Variants in CFAP74 observed in about 807,000 individuals in gnomAD.
CFAP74 encodes cilia- and flagella-associated protein 74.
CFAP74 carries 124 observed loss-of-function variants against 188.9 expected under a neutral mutation model. The ratio of observed to expected loss-of-function variants is 0.66; its 90% CI spans 0.57 to 0.76. The LOEUF (loss-of-function observed/expected upper bound fraction) is 0.76, where lower values mean the gene tolerates loss of function less well. CFAP74 is among the 30% of genes least tolerant of loss of function. The pLI, the probability that CFAP74 is intolerant of heterozygous loss-of-function variation, is 0.00. For missense variants in CFAP74, 2,198 were observed against 2,165.2 expected, an observed-to-expected ratio of 1.02 and a Z score of -0.30; for synonymous variants, 956 against 916.7, an observed-to-expected ratio of 1.04 and a Z score of -0.77.
rs531272665 is a variant in CFAP74 at position 1,927,809 on chromosome 1, G to A, written c.3388-63C>T. 1.0e-4 allele frequency: 151 copies of A among 1,501,882 alleles called. 1 individual carries two copies. The highest frequency in any genetic ancestry group is 6.9e-4 in the Middle Eastern group (4 of 5,768). The allele number at this position is 1,501,882 out of a possible 1,614,324, so 93.0% of individuals were successfully genotyped here. A position where few individuals can be genotyped will look rare whatever the true frequency, so the allele number is the denominator to read the frequency against. On this transcript the variant is annotated intron_variant, in intron 27 of 38. Coordinates refer to ENST00000682832, the MANE Select transcript of CFAP74 (RefSeq NM_001304360.2). ...CCCTAAACACAGCCAGCTGTGCCCC[G>A]TGGCTCCTCTGCGGCCAGTGCGGGA...
At chr1:1,965,427 T>A (rs1466454876) in intron 12 of CFAP74, among the ~76,000 whole-genome samples, 2 of 152,250 alleles carry the variant, frequency 1.3e-5, no homozygotes, top group African/African-American at 4.8e-5. Context: ...TGAAAGGTTC[T>A]GCAGGAAGCA....
chr1:1,979,349 A>G (rs1278518078), intron 6 of CFAP74, among the ~76,000 whole-genome samples: 3 of 133,068 alleles, frequency 2.3e-5, no homozygotes, highest in African/African-American at 2.8e-5. Flanking sequence ...ACAAGGCTGC[A>G]CAGAACATGC....
chr1:1,939,044 G>A (rs535602234), intron 24 of CFAP74, 56 bp from the exon 25 acceptor site: 39 of 1,504,396 alleles, frequency 2.6e-5, no homozygotes, highest in African/African-American at 4.1e-5. Context: ...GTGGACACAC[G>A]TGCGGCAGGG....
At chr1:1,926,050 G>C in intron 32 of CFAP74, 112 bp from the exon 33 acceptor site, 8 of 1,402,844 alleles carry the variant, frequency 5.7e-6, no homozygotes, top group Non-Finnish European at 7.6e-6. Context: ...GCTCTGGGGG[G>C]GCTCTGTCAG....
At position 1,988,943 on chromosome 1, in the gene CFAP74, T is replaced by C. The variant is rs1657415472; in HGVS notation, c.98A>G (p.Asp33Gly). 1.3e-6 allele frequency: 2 copies of C among 1,579,462 alleles called. No individual in the cohort carries two copies. Among genetic ancestry groups the C allele is most frequent in the Non-Finnish European group, 1.7e-6 (2 of 1,160,206 alleles). ...AGCTTCCTGTAGAAGACATTTGATG[T>C]CAAACTCCGGATCCTCTAATTCATC... ...ERDELEDPEFDIKCLLQEAED... is the reference protein window; with the variant it reads ...ERDELEDPEFGIKCLLQEAED... Residue 33 changes from aspartate to glycine, a missense_variant, in exon 3 of 39, where the codon GAC becomes GGC. Physicochemically the swap from Asp to Gly is moderately conservative, Grantham distance 94. Coordinates refer to ENST00000682832, the MANE Select transcript of CFAP74 (RefSeq NM_001304360.2).
intron 1 of CFAP74, among the ~76,000 whole-genome samples, chr1:1,995,016 G>T (rs1657841367): frequency 6.6e-6 from 1 of 152,114 alleles, no homozygotes; most frequent in Admixed American, 6.6e-5. Flanking sequence ...GCTGTGAAAG[G>T]TTCAGGACTG....
At chr1:1,981,682 C>T (rs1244504396) in intron 6 of CFAP74, among the ~76,000 whole-genome samples, 3 of 124,798 alleles carry the variant, frequency 2.4e-5, no homozygotes, top group Admixed American at 8.1e-5. Flanking sequence ...GACACCCAGC[C>T]GCGGACAGAC....
chr1:1,928,946 G>A lies in CFAP74; in HGVS notation c.3289-64C>T, dbSNP rs146633005. On this transcript the variant is annotated intron_variant, in intron 26 of 38. Coordinates refer to ENST00000682832, the MANE Select transcript of CFAP74 (RefSeq NM_001304360.2). ...CCCTCCACCTCCCCGGAGCCCCTGC[G>A]GGCACTCTACCGTCCTCTGCCCGTG... 335 of 1,168,924 alleles carry A rather than the reference G, an allele frequency of 2.9e-4. 1 individual carries two copies. In the African/African-American group the frequency reaches 4.5e-3, roughly 16 times the overall value. The allele number at this position is 1,168,924 out of a possible 1,614,324, so 72.4% of individuals were successfully genotyped here.
At position 1,985,788 on chromosome 1, in the gene CFAP74, C is replaced by T. The variant is rs888875792; in HGVS notation, c.396-298G>A. Among the ~76,000 whole-genome samples, 13 of 152,348 alleles carry T rather than the reference C, an allele frequency of 8.5e-5. No individual in the cohort carries two copies. In the East Asian group the frequency reaches 1.5e-3, roughly 18 times the overall value. On this transcript the variant is annotated intron_variant, in intron 5 of 38. Coordinates refer to ENST00000682832, the MANE Select transcript of CFAP74 (RefSeq NM_001304360.2). ...GCAGCAGCCATCCAGGCCTGTGACC[C>T]GGGAAGGACCCAGCACGTGCGACAA...
At position 1,966,589 on chromosome 1, in the gene CFAP74, TC is replaced by T. The variant is rs373476414; in HGVS notation, c.1246-64del. ...ATGACAGAGAACAGGGAAGAGAAACTCGGCCCAGCCCCCGCCGGTATGGCCC... is the reference window on the plus strand; with the variant it reads ...ATGACAGAGAACAGGGAAGAGAAACTGGCCCAGCCCCCGCCGGTATGGCCC... On this transcript the variant is annotated intron_variant, in intron 11 of 38. Coordinates refer to ENST00000682832, the MANE Select transcript of CFAP74 (RefSeq NM_001304360.2). 3.4e-5 allele frequency: 47 copies of T among 1,367,626 alleles called. No homozygotes were observed. The African/African-American group carries it at 6.6e-4, about 19-fold the overall frequency. 84.7% of individuals were successfully genotyped at this position (1,367,626 alleles called of 1,614,324 possible).
chr1:1,975,882 G>C lies in CFAP74; in HGVS notation c.501-1684C>G, dbSNP rs1570957804. Among the ~76,000 whole-genome samples, 1 of 152,322 alleles carries C rather than the reference G, an allele frequency of 6.6e-6. No homozygotes were observed. The highest frequency in any genetic ancestry group is 3.4e-3 in the Middle Eastern group (1 of 294). ...ACAGCCTGCAGGGTCTCTTAGTAAA[G>C]AGGCAAGACGCTGTCCCAGATGCTG... is the stretch of plus-strand genomic sequence containing the variant. On this transcript the variant is annotated intron_variant, in intron 6 of 38. Transcript: ENST00000682832. The surrounding 1 kb of genome is among the most constrained non-coding windows in gnomAD (Gnocchi z 4.5).
At chr1:1,963,623 G>C in intron 14 of CFAP74, 126 bp downstream of exon 14, 1 of 607,514 alleles carries the variant, frequency 1.6e-6, no homozygotes, top group Non-Finnish European at 2.8e-6. Flanking sequence ...CAAAATCTTC[G>C]TGAAAATCGG....
At position 1,923,448 on chromosome 1, in the gene CFAP74, A is replaced by C; in HGVS notation, c.4441T>G (p.Phe1481Val). The C allele has an allele frequency of 6.2e-7, 1 of 1,611,330 alleles. No individual in the cohort carries two copies. Among genetic ancestry groups the C allele is most frequent in the Non-Finnish European group, 8.5e-7 (1 of 1,179,434 alleles). Residue 1481 changes from phenylalanine to valine, a missense_variant, in exon 36 of 39, where the codon TTC (phenylalanine) becomes GTC (valine). Phe to Val is a conservative substitution (Grantham distance 50, BLOSUM62 -1). Transcript: ENST00000682832. The surrounding 1 kb of genome is among the most constrained non-coding windows in gnomAD (Gnocchi z 6.3). ...LKGAACQHMM[F>V]VEGGDPLDVP... ...TCCAGGGGGTCGCCGCCCTCCACGA[A>C]CATCATGTGCTGACAGGCGGCACCC...
At chr1:1,943,225 G>T (rs1261927329) in intron 21 of CFAP74, among the ~76,000 whole-genome samples, 2 of 152,182 alleles carry the variant, frequency 1.3e-5, no homozygotes, top group Non-Finnish European at 2.9e-5. Context: ...CGACAGACAC[G>T]CCTGGGCCCT....
At chr1:1,925,762 C>T (rs1570813004) in intron 33 of CFAP74, 21 bp downstream of exon 33, 2 of 1,601,350 alleles carry the variant, frequency 1.2e-6, no homozygotes, top group African/African-American at 2.7e-5. Context: ...GAGCCAGCAC[C>T]AGGGCCCACG....
intron 32 of CFAP74, 114 bp downstream of exon 32, chr1:1,926,113 AC>A: frequency 7.0e-7 from 1 of 1,428,582 alleles, no homozygotes; most frequent in Non-Finnish European, 9.3e-7. Context: ...CTGCTCGCAG[AC>A]CCAGGCTTAG....
At chr1:1,959,917 C>A in intron 15 of CFAP74, 47 bp downstream of exon 15, 1 of 1,510,866 alleles carries the variant, frequency 6.6e-7, no homozygotes, top group South Asian at 1.2e-5. Context: ...ACAGGCTCCA[C>A]CCACCACCAC....
In CFAP74 at chr1:1,970,901, G is replaced by A. The variant is rs77915279; in HGVS notation, c.889-85C>T. 1,337 of 1,521,802 alleles carry A rather than the reference G, an allele frequency of 8.8e-4. 1 individual carries two copies. The highest frequency in any genetic ancestry group is 1.1e-3 in the Non-Finnish European group (1,273 of 1,112,994). The allele number at this position is 1,521,802 out of a possible 1,614,324, so 94.3% of individuals were successfully genotyped here. A position where few individuals can be genotyped will look rare whatever the true frequency, so the allele number is the denominator to read the frequency against. On this transcript the variant is annotated intron_variant, in intron 9 of 38. Transcript: ENST00000682832. ...CACACCTGCACATGTGCACACACAG[G>A]TTCATACATGCACACGTGCACACAC...
chr1:1,924,587 T>G (rs1381974536), intron 33 of CFAP74, 67 bp from the exon 34 acceptor site: 7 of 1,525,608 alleles, frequency 4.6e-6, no homozygotes, highest in African/African-American at 1.4e-5. Flanking sequence ...CTGTCGTCGG[T>G]GCCCAGGACT....
Sources: gnomAD v4.1 joint callset for allele counts (sites outside exome capture counted in the v4.1 genomes callset) on GRCh38, gnomAD v4.1.1 for gene constraint, Gnocchi (gnomAD v3.1) non-coding constraint, MANE v1.5 for transcripts, NCBI Gene and HGNC (gene_info 2026-07-23, HGNC 2026-07-21) for gene names.